FMN2: variants seen among roughly 807,000 people sequenced by gnomAD.
The protein encoded by FMN2 is formin-2.
In FMN2, 51 loss-of-function variants were observed where a neutral mutation model predicts 142.3. The observed-to-expected ratio is 0.36, with a 90% CI of 0.29 to 0.45. FMN2 has a LOEUF of 0.45. Among genes scored for constraint, FMN2 ranks in the 20% least tolerant of loss-of-function variants. FMN2 has a pLI of 1.00. For missense variants in FMN2, 1,936 were observed against 2,122.8 expected (o/e 0.91, Z 1.73); for synonymous variants, 882 against 869.8 (o/e 1.01, Z -0.25).
At chr1:240,379,434 C>G (rs755691834) in intron 14 of FMN2, among the ~76,000 whole-genome samples, 8 of 152,082 alleles carry the variant, frequency 5.3e-5, no homozygotes, top group Non-Finnish European at 1.2e-4. Flanking sequence ...GATTTTTGAT[C>G]CTTCTTTTCT....
intron 15 of FMN2, among the ~76,000 whole-genome samples, chr1:240,403,126 T>G (rs1674045111): frequency 6.6e-6 from 1 of 152,228 alleles, no homozygotes; most frequent in Non-Finnish European, 1.5e-5. Context: ...GTTAGTCAGT[T>G]GAAGGTGACA....
At chr1:240,453,285 T>C (rs986397210) in intron 16 of FMN2, among the ~76,000 whole-genome samples, 2 of 152,208 alleles carry the variant, frequency 1.3e-5, no homozygotes, top group African/African-American at 2.4e-5. Flanking sequence ...CATAATTCTA[T>C]TCTACCAGCC....
At chr1:240,166,604 A>G (rs1257379731) in intron 2 of FMN2, among the ~76,000 whole-genome samples, 1 of 152,170 alleles carries the variant, frequency 6.6e-6, no homozygotes, top group African/African-American at 2.4e-5. Context: ...CAGATTTTAC[A>G]TGGCATTCAA....
chr1:240,439,627 G>C (rs917407983), intron 16 of FMN2, among the ~76,000 whole-genome samples: 1 of 152,198 alleles, frequency 6.6e-6, no homozygotes, highest in African/African-American at 2.4e-5. Flanking sequence ...TAAAGATAAT[G>C]AGCTTATTCT....
At chr1:240,333,474 G>A (rs1671447079) in intron 11 of FMN2, among the ~76,000 whole-genome samples, 1 of 152,094 alleles carries the variant, frequency 6.6e-6, no homozygotes, top group South Asian at 2.1e-4. Flanking sequence ...CAAACTTACT[G>A]TTGGAGTGGT....
At chr1:240,094,391 T>G (rs1661127129) in intron 1 of FMN2, among the ~76,000 whole-genome samples, 1 of 152,230 alleles carries the variant, frequency 6.6e-6, no homozygotes, top group Non-Finnish European at 1.5e-5. Context: ...TCATTCAGTT[T>G]CATGGTCCAG....
At chr1:240,464,703 C>T (rs1307528592) in intron 16 of FMN2, among the ~76,000 whole-genome samples, 2 of 152,014 alleles carry the variant, frequency 1.3e-5, no homozygotes, top group African/African-American at 4.8e-5. Context: ...GGCCCCGGAC[C>T]CCCAGGGAGC....
chr1:240,104,996 G>C (rs1413616718), intron 1 of FMN2, among the ~76,000 whole-genome samples: 1 of 151,814 alleles, frequency 6.6e-6, no homozygotes, highest in Non-Finnish European at 1.5e-5. Flanking sequence ...GAACTTCTCT[G>C]GGATATACAT....
At chr1:240,149,926 A>G (rs1663692940) in intron 2 of FMN2, among the ~76,000 whole-genome samples, 1 of 152,176 alleles carries the variant, frequency 6.6e-6, no homozygotes, top group South Asian at 2.1e-4. Context: ...CCCTGAGTAC[A>G]GGTGAAAACA....
chr1:240,093,612 C>T lies in FMN2; in HGVS notation c.1503C>T (p.His501=). The T allele has an allele frequency of 7.0e-7, 1 of 1,426,260 alleles. No homozygotes were observed. Among genetic ancestry groups the T allele is most frequent in the Non-Finnish European group, 9.1e-7 (1 of 1,100,616 alleles). The allele number at this position is 1,426,260 out of a possible 1,614,324, so 88.4% of individuals were successfully genotyped here. A position where few individuals can be genotyped will look rare whatever the true frequency, so the allele number is the denominator to read the frequency against. The change falls in exon 1 of 18, where the codon CAC becomes CAT. Residue 501 remains histidine, a synonymous_variant. Coordinates refer to ENST00000319653, the MANE Select transcript of FMN2 (RefSeq NM_020066.5). ...ARTPRVGGSA[H]LLERGVASDS... ...CGCCCCGGGTGGGAGGCTCCGCGCA[C>T]CTGCTGGAGCGCGGGGTGGCGAGTG...
rs1314367932 is a variant in FMN2 at position 240,093,234 on chromosome 1, G to T, written c.1125G>T (p.Pro375=). 3 of 1,546,428 alleles carry T rather than the reference G, an allele frequency of 1.9e-6. No individual in the cohort carries two copies. Among genetic ancestry groups the T allele is most frequent in the Admixed American group, 3.9e-5 (2 of 50,880 alleles). Residue 375 remains proline (P), a synonymous_variant, in exon 1 of 18, where the codon CCG becomes CCT. Coordinates refer to ENST00000319653, the MANE Select transcript of FMN2 (RefSeq NM_020066.5). ...EWAPEVGEDA[P]QRLGEEPEEE... is the part of the protein sequence containing the mutation. Reference sequence around the variant, plus strand: ...CCCCGGAGGTGGGAGAGGACGCCCCGCAGAGGCTGGGGGAAGAGCCGGAGG... The same window carrying T: ...CCCCGGAGGTGGGAGAGGACGCCCCTCAGAGGCTGGGGGAAGAGCCGGAGG...
intron 2 of FMN2, among the ~76,000 whole-genome samples, chr1:240,148,978 AAAT>A (rs1454290462): frequency 4.0e-5 from 3 of 74,520 alleles, no homozygotes; most frequent in Non-Finnish European, 1.1e-4. Flanking sequence ...TCTCAAAAAA[AAAT>A]AAATAAATAA....
intron 2 of FMN2, chr1:240,145,399 T>C: frequency 2.0e-6 from 1 of 508,770 alleles, no homozygotes; most frequent in Non-Finnish European, 3.4e-6. Flanking sequence ...CCCTTTATTT[T>C]TTAATTTTCA....
chr1:240,332,250 A>G (rs1671403015), intron 11 of FMN2, among the ~76,000 whole-genome samples: 1 of 141,266 alleles, frequency 7.1e-6, no homozygotes, highest in Admixed American at 7.2e-5. Context: ...GAGAGCTGAT[A>G]AATTACATTT....
intron 1 of FMN2, among the ~76,000 whole-genome samples, chr1:240,113,040 A>T (rs1661874176): frequency 6.6e-6 from 1 of 152,244 alleles, no homozygotes; most frequent in Non-Finnish European, 1.5e-5. Flanking sequence ...GCAGGCTTGA[A>T]TAGCTGGACA....
At chr1:240,235,966 T>A (rs539607189) in intron 6 of FMN2, 11 of 152,326 alleles carry the variant, frequency 7.2e-5, no homozygotes, top group African/African-American at 2.4e-4. Context: ...TTTAATATCT[T>A]AGGTTATTCA....
At chr1:240,214,560 A>G (rs1201426535) in intron 6 of FMN2, among the ~76,000 whole-genome samples, 2 of 150,952 alleles carry the variant, frequency 1.3e-5, no homozygotes, top group Non-Finnish European at 2.9e-5. Flanking sequence ...CAAAAAAAAA[A>G]AAAAAAGAAA....
chr1:240,456,525 C>T (rs1351159309), intron 16 of FMN2, among the ~76,000 whole-genome samples: 6 of 152,196 alleles, frequency 3.9e-5, no homozygotes, highest in Non-Finnish European at 7.3e-5. Flanking sequence ...GGCACGATCT[C>T]GGTTCACCAC....
At chr1:240,155,603 G>A (rs1327604135) in intron 2 of FMN2, among the ~76,000 whole-genome samples, 1 of 152,120 alleles carries the variant, frequency 6.6e-6, no homozygotes. Context: ...AACTAGATTT[G>A]AGAGCCCAAA....
Sources: gnomAD v4.1 joint callset for allele counts (sites outside exome capture counted in the v4.1 genomes callset) on GRCh38, gnomAD v4.1.1 for gene constraint, MANE v1.5 for transcripts, NCBI Gene and HGNC (gene_info 2026-07-23, HGNC 2026-07-21) for gene names.